Variants in ARFGEF2 observed in about 807,000 individuals in gnomAD.
The protein encoded by ARFGEF2 is brefeldin A-inhibited guanine nucleotide-exchange protein 2.
ARFGEF2 carries 74 observed loss-of-function variants against 219.9 expected under a neutral mutation model. That is an observed-to-expected ratio of 0.34 (90% confidence interval 0.28 to 0.41). The LOEUF (loss-of-function observed/expected upper bound fraction) is 0.41. ARFGEF2 is among the 10% of genes least tolerant of loss of function. ARFGEF2 has a pLI of 1.00. For synonymous variants in ARFGEF2, 733 were observed against 799.2 expected (o/e 0.92, Z 1.40); for missense variants, 1,743 against 2,218.3 (o/e 0.79, Z 4.30).
chr20:48,988,835 C>A (rs1358003844), intron 18 of ARFGEF2, among the ~76,000 whole-genome samples, 173 bp downstream of exon 18: 1 of 152,154 alleles, frequency 6.6e-6, no homozygotes, highest in African/African-American at 2.4e-5. Context: ...CACTGTCTTG[C>A]TAGATTTCTG....
intron 26 of ARFGEF2, 56 bp from the exon 27 acceptor site, chr20:49,010,176 T>C: frequency 6.3e-7 from 1 of 1,583,678 alleles, no homozygotes; most frequent in Non-Finnish European, 8.6e-7. Context: ...GCTATGTTCA[T>C]TTCTCTTCCC....
chr20:48,990,977 A>C (rs1180632550), intron 20 of ARFGEF2, 63 bp from the exon 21 acceptor site: 1 of 1,565,186 alleles, frequency 6.4e-7, no homozygotes, highest in African/African-American at 1.4e-5. Flanking sequence ...CCAGCCCTGC[A>C]GATGTGAGAA....
intron 3 of ARFGEF2, among the ~76,000 whole-genome samples, chr20:48,945,177 A>G (rs549703815): frequency 6.6e-6 from 1 of 152,214 alleles, no homozygotes; most frequent in East Asian, 1.9e-4. Context: ...CCAGCCTCCT[A>G]ATACCATCAC....
At chr20:48,950,730 A>G (rs2091060636) in intron 3 of ARFGEF2, among the ~76,000 whole-genome samples, 1 of 144,966 alleles carries the variant, frequency 6.9e-6, no homozygotes, top group South Asian at 2.3e-4. Flanking sequence ...TGGGAGGTGG[A>G]GGCATCAGTG....
intron 35 of ARFGEF2, among the ~76,000 whole-genome samples, chr20:49,024,514 C>T (rs1412332728): frequency 6.6e-6 from 1 of 152,076 alleles, no homozygotes; most frequent in African/African-American, 2.4e-5. Flanking sequence ...GACAGTTTCT[C>T]GTGTTTCAAG....
chr20:48,927,636 C>T (rs1208908734), intron 1 of ARFGEF2, among the ~76,000 whole-genome samples: 2 of 150,588 alleles, frequency 1.3e-5, no homozygotes, highest in Non-Finnish European at 3.0e-5. Context: ...TGCAGTGAGC[C>T]AAGATGGCGC....
At chr20:49,012,521 ATG>A (rs1369305090) in intron 28 of ARFGEF2, among the ~76,000 whole-genome samples, 1 of 134,888 alleles carries the variant, frequency 7.4e-6, no homozygotes, top group African/African-American at 2.9e-5. Flanking sequence ...TGTTTTTTTG[ATG>A]TGTCTCATCT....
At chr20:48,935,722 GC>G (rs2090944953) in intron 1 of ARFGEF2, among the ~76,000 whole-genome samples, 1 of 149,958 alleles carries the variant, frequency 6.7e-6, no homozygotes, top group Non-Finnish European at 1.5e-5. Flanking sequence ...CGGGCGGGGG[GC>G]TGACACCCCC....
At chr20:49,010,064 G>T (rs2295578) in intron 26 of ARFGEF2, among the ~76,000 whole-genome samples, 168 bp from the exon 27 acceptor site, 1 of 152,004 alleles carries the variant, frequency 6.6e-6, no homozygotes, top group African/African-American at 2.4e-5. Context: ...GCTCTATGCA[G>T]CATGCTAGGT....
At chr20:48,973,119 C>T in intron 11 of ARFGEF2, 26 bp from the exon 12 acceptor site, 6 of 1,613,792 alleles carry the variant, frequency 3.7e-6, no homozygotes, top group Non-Finnish European at 5.1e-6. Context: ...ATCAGAATTT[C>T]TGATACTTGT....
intron 23 of ARFGEF2, among the ~76,000 whole-genome samples, chr20:48,997,458 A>G (rs2091399065): frequency 6.6e-6 from 1 of 152,124 alleles, no homozygotes; most frequent in Admixed American, 6.6e-5. Context: ...TTTTTAGTAG[A>G]GACAGGGTTT....
chr20:49,013,560 C>T lies in ARFGEF2; in HGVS notation c.3919-4C>T, dbSNP rs754772579. 2 of 1,614,102 alleles carry T rather than the reference C, an allele frequency of 1.2e-6. No individual in the cohort carries two copies. Among genetic ancestry groups the T allele is most frequent in the Non-Finnish European group, 1.7e-6 (2 of 1,179,974 alleles). Reference sequence around the variant, plus strand: ...TACACCTGAGATGTGATTTTTCATCCTAGGTGCTACAAGAATACACAAGTG... The same window carrying T: ...TACACCTGAGATGTGATTTTTCATCTTAGGTGCTACAAGAATACACAAGTG... On this transcript the variant is annotated splice_region_variant and splice_polypyrimidine_tract_variant and intron_variant, in intron 28 of 38. Coordinates refer to ENST00000371917, the MANE Select transcript of ARFGEF2 (RefSeq NM_006420.3).
chr20:48,955,475 C>T (rs1057012204), intron 6 of ARFGEF2, among the ~76,000 whole-genome samples: 11 of 152,236 alleles, frequency 7.2e-5, no homozygotes, highest in Non-Finnish European at 1.5e-4. Context: ...TGCTCACCAC[C>T]ATATTCCCAA....
chr20:48,924,835 C>A (rs2090866699), intron 1 of ARFGEF2, among the ~76,000 whole-genome samples: 2 of 152,154 alleles, frequency 1.3e-5, no homozygotes, highest in Non-Finnish European at 2.9e-5. Context: ...CGTTTGTGAT[C>A]TTGGACAAGT....
chr20:48,998,596 T>C, intron 25 of ARFGEF2, 91 bp downstream of exon 25: 1 of 1,372,754 alleles, frequency 7.3e-7, no homozygotes, highest in Non-Finnish European at 1.0e-6. Flanking sequence ...TAATTTGCCC[T>C]GTTTTTTAGA....
chr20:48,973,461 A>G (rs770625858), intron 12 of ARFGEF2, among the ~76,000 whole-genome samples, 177 bp downstream of exon 12: 1 of 152,196 alleles, frequency 6.6e-6, no homozygotes, highest in Admixed American at 6.5e-5. Flanking sequence ...TCAGATGATC[A>G]TAGGGGCTGC....
rs2091666045 is a variant in ARFGEF2 at position 49,036,374 on chromosome 20, C to A, written c.*3175C>A. On this transcript the variant is annotated 3_prime_UTR_variant, in exon 39 of 39. Transcript: ENST00000371917. Reference sequence around the variant, plus strand: ...TATCAAAGGTGTTTTACTCAGTGTTCTAATTTTTAAAAAATTTTATCTGCA... The same window carrying A: ...TATCAAAGGTGTTTTACTCAGTGTTATAATTTTTAAAAAATTTTATCTGCA... 2 of 396,800 alleles carry A rather than the reference C, an allele frequency of 5.0e-6. No individual in the cohort carries two copies. Among genetic ancestry groups the A allele is most frequent in the South Asian group, 2.8e-4 (2 of 7,176 alleles). The allele number at this position is 396,800 out of a possible 1,614,324, so 24.6% of individuals were successfully genotyped here. A position where few individuals can be genotyped will look rare whatever the true frequency, so the allele number is the denominator to read the frequency against.
At position 49,034,756 on chromosome 20, in the gene ARFGEF2, A is replaced by G. The variant is rs2091656404; in HGVS notation, c.*1557A>G. 1 of 152,192 alleles carries G rather than the reference A, an allele frequency of 6.6e-6. No individual in the cohort carries two copies. The highest frequency in any genetic ancestry group is 2.4e-5 in the African/African-American group (1 of 41,454). The allele number at this position is 152,192 out of a possible 1,614,324, so 9.4% of individuals were successfully genotyped here. A position where few individuals can be genotyped will look rare whatever the true frequency, so the allele number is the denominator to read the frequency against. ...GGATTTCTGGTGCTTTTGCTTACTA[A>G]GAGACCGATATTCTTAAGTTGTTTT... On this transcript the variant is annotated 3_prime_UTR_variant, in exon 39 of 39. Coordinates refer to ENST00000371917, the MANE Select transcript of ARFGEF2 (RefSeq NM_006420.3).
intron 14 of ARFGEF2, among the ~76,000 whole-genome samples, chr20:48,981,689 C>A (rs539520340): frequency 3.5e-4 from 54 of 152,216 alleles, no homozygotes; most frequent in Admixed American, 1.1e-3. Flanking sequence ...TCTTTTTATT[C>A]TTTTTTCTGT....
Sources: allele counts gnomAD v4.1 joint callset (sites outside exome capture counted in the v4.1 genomes callset), GRCh38; gene constraint gnomAD v4.1.1; transcripts MANE v1.5; gene names NCBI Gene and HGNC (gene_info 2026-07-23, HGNC 2026-07-21).